Variants in ZFTRAF1 observed in about 807,000 individuals in gnomAD.
ZFTRAF1 encodes zinc finger TRAF-type and ring finger containing 1.
At chr8:144,461,942 G>A in the ZFTRAF1 span, among the ~76,000 whole-genome samples, 1 of 152,146 alleles carries the variant, frequency 6.6e-6, no homozygotes, top group East Asian at 1.9e-4. Context: ...TCAGTTTGAG[G>A]CTGTGGGTTG....
chr8:144,452,575 G>A, the ZFTRAF1 span: 8 of 1,535,734 alleles, frequency 5.2e-6, no homozygotes, highest in Admixed American at 2.0e-5. Flanking sequence ...GTTACCCTGG[G>A]GGAGGCAGGT....
At chr8:144,453,364 AACG>A in the ZFTRAF1 span, 3 of 1,551,164 alleles carry the variant, frequency 1.9e-6, no homozygotes, top group East Asian at 2.4e-5. Context: ...CTGATCTCAC[AACG>A]ACAATTGGGG....
the ZFTRAF1 span, chr8:144,453,101 T>C: frequency 1.1e-6 from 1 of 869,920 alleles, no homozygotes; most frequent in South Asian, 1.7e-5. Context: ...ACACAGGTGG[T>C]CCCCAAGGCC....
chr8:144,460,359 C>T, the ZFTRAF1 span, among the ~76,000 whole-genome samples: 17 of 152,260 alleles, frequency 1.1e-4, no homozygotes, highest in Non-Finnish European at 2.5e-4. Flanking sequence ...ACCAGCTAGG[C>T]TCAGAGGCCT....
the ZFTRAF1 span, chr8:144,450,344 G>A: frequency 3.6e-5 from 25 of 700,842 alleles, no homozygotes; most frequent in Admixed American, 1.2e-4. Flanking sequence ...CTGGGATGCC[G>A]CCCGTGGGCT....
the ZFTRAF1 span, among the ~76,000 whole-genome samples, chr8:144,458,969 A>C: frequency 2.6e-5 from 4 of 152,224 alleles, no homozygotes; most frequent in Non-Finnish European, 4.4e-5. Context: ...AGGGGTGGGA[A>C]CAATGCGCAG....
chr8:144,452,543 G>A, the ZFTRAF1 span: 198 of 1,538,628 alleles, frequency 1.3e-4, no homozygotes, highest in Non-Finnish European at 1.6e-4. Flanking sequence ...ATGGGCAGCC[G>A]ATGCGTTTGT....
At chr8:144,452,561 C>G in the ZFTRAF1 span, 1 of 1,536,780 alleles carries the variant, frequency 6.5e-7, no homozygotes, top group Non-Finnish European at 8.7e-7. Flanking sequence ...TGTACTTGCA[C>G]TGGGTTACCC....
chr8:144,459,258 C>T, the ZFTRAF1 span, among the ~76,000 whole-genome samples: 6 of 152,246 alleles, frequency 3.9e-5, no homozygotes, highest in Non-Finnish European at 7.3e-5. Context: ...TGACCACCTG[C>T]GCGGCCTGGT....
At chr8:144,451,978 AG>A in the ZFTRAF1 span, 1 of 321,166 alleles carries the variant, frequency 3.1e-6, no homozygotes, top group South Asian at 2.9e-5. Flanking sequence ...CCAGGGTCCG[AG>A]GGGCAGGCCC....
chr8:144,452,117 G>C, the ZFTRAF1 span: 5 of 568,654 alleles, frequency 8.8e-6, no homozygotes, highest in Admixed American at 8.3e-5. Flanking sequence ...GGACAGGTGG[G>C]CGGGGCTGCT....
chr8:144,450,203 C>T, the ZFTRAF1 span: 2 of 581,436 alleles, frequency 3.4e-6, no homozygotes, highest in Non-Finnish European at 6.2e-6. Context: ...GGGGGGTGAG[C>T]CGGAGGCGGG....
the ZFTRAF1 span, chr8:144,453,316 C>T: frequency 6.4e-7 from 1 of 1,551,208 alleles, no homozygotes; most frequent in Non-Finnish European, 8.7e-7. Flanking sequence ...TCGCTCACGG[C>T]TTTCTCCACG....
the ZFTRAF1 span, among the ~76,000 whole-genome samples, chr8:144,461,650 G>A: frequency 3.9e-5 from 6 of 152,344 alleles, no homozygotes; most frequent in East Asian, 7.7e-4. Context: ...TGGGACTGGA[G>A]AAGGTACCCA....
At chr8:144,453,299 A>G in the ZFTRAF1 span, 1 of 1,551,162 alleles carries the variant, frequency 6.4e-7, no homozygotes, top group Non-Finnish European at 8.7e-7. Flanking sequence ...CACACTCTGA[A>G]GGCAGCTCGC....
At chr8:144,459,033 G>C in the ZFTRAF1 span, among the ~76,000 whole-genome samples, 2 of 152,274 alleles carry the variant, frequency 1.3e-5, no homozygotes, top group Non-Finnish European at 2.9e-5. Flanking sequence ...GACAGCAGCA[G>C]GAAGGGTCAG....
chr8:144,452,164 C>G, the ZFTRAF1 span: 8 of 698,830 alleles, frequency 1.1e-5, no homozygotes, highest in Non-Finnish European at 2.0e-5. Context: ...GGGTCTGCCT[C>G]GGCCCCTCCT....
chr8:144,456,739 G>A, the ZFTRAF1 span: 1 of 151,380 alleles, frequency 6.6e-6, no homozygotes, highest in Non-Finnish European at 1.5e-5. Context: ...TCACGGGAAT[G>A]ATATCACGGG....
At chr8:144,450,376 G>A in the ZFTRAF1 span, 17 of 712,048 alleles carry the variant, frequency 2.4e-5, no homozygotes, top group Admixed American at 1.2e-4. Context: ...CTGAGGCCCC[G>A]CCCTACTTCT....
Sources: gnomAD v4.1 joint callset for allele counts (sites outside exome capture counted in the v4.1 genomes callset) on GRCh38, gnomAD v4.1.1 for gene constraint, MANE v1.5 for transcripts, NCBI Gene and HGNC (gene_info 2026-07-23, HGNC 2026-07-21) for gene names.